CENPS: variants seen among roughly 807,000 people sequenced by gnomAD.
CENPS encodes the protein FANCM associated histone fold protein 1.
Under a neutral mutation model 17.9 loss-of-function variants are expected in CENPS, and 16 were observed. The ratio of observed to expected loss-of-function variants is 0.90; its 90% CI spans 0.61 to 1.36. The LOEUF (loss-of-function observed/expected upper bound fraction) is 1.36. Ranked by LOEUF, CENPS falls within the 40% of genes most tolerant of loss-of-function variation. CENPS has a pLI of 0.00. For missense variants in CENPS, 160 were observed against 158.6 expected (o/e 1.01, Z -0.05); for synonymous variants, 49 against 55.8 (o/e 0.88, Z 0.54).
intron 1 of CENPS, 189 bp downstream of exon 1, chr1:10,430,757 G>A (rs1311695996): frequency 1.4e-6 from 2 of 1,397,902 alleles, no homozygotes; most frequent in East Asian, 2.9e-5. Flanking sequence ...AACGCGGCTG[G>A]ACCCTGGCCT....
At chr1:10,431,643 G>A (rs1317164426) in intron 1 of CENPS, among the ~76,000 whole-genome samples, 3 of 152,078 alleles carry the variant, frequency 2.0e-5, no homozygotes, top group Non-Finnish European at 4.4e-5. Context: ...ATCACTTGAG[G>A]TCAGGAGTTC....
At position 10,440,235 on chromosome 1, in the gene CENPS, G is replaced by A. The variant is rs908939114; in HGVS notation, c.210-112G>A. On this transcript the variant is annotated intron_variant, in intron 3 of 4. Coordinates refer to ENST00000309048, the MANE Select transcript of CENPS (RefSeq NM_199294.3). Reference sequence around the variant, plus strand: ...CTTAATGCCCTTTATCTAAAAGGATGGGCTACTTAGAGATCCCTGCTAGTT... The same window carrying A: ...CTTAATGCCCTTTATCTAAAAGGATAGGCTACTTAGAGATCCCTGCTAGTT... 5.8e-6 allele frequency: 8 copies of A among 1,368,318 alleles called. No individual in the cohort carries two copies. In the African/African-American group the frequency reaches 7.3e-5, roughly 13 times the overall value. The allele number at this position is 1,368,318 out of a possible 1,614,324, so 84.8% of individuals were successfully genotyped here. A position where few individuals can be genotyped will look rare whatever the true frequency, so the allele number is the denominator to read the frequency against.
In CENPS at chr1:10,430,680, G is replaced by GCC. The variant is rs538643865; in HGVS notation, c.51+117_51+118dup. 2.3e-3 allele frequency: 3,291 copies of GCC among 1,430,172 alleles called. 59 individuals are homozygous for GCC. In the African/African-American group the frequency reaches 0.045, roughly 20 times the overall value. The allele number at this position is 1,430,172 out of a possible 1,614,324, so 88.6% of individuals were successfully genotyped here. On this transcript the variant is annotated intron_variant, in intron 1 of 4. Transcript: ENST00000309048. ...TCTCATCGGCACCCCGCCCCCGGGCGCCCCCCGCGGCTGCGCATGCGTTGG... is the reference window on the plus strand; with the variant it reads ...TCTCATCGGCACCCCGCCCCCGGGCGCCCCCCCCGCGGCTGCGCATGCGTTGG...
chr1:10,430,819 C>A, intron 1 of CENPS: 1 of 1,348,366 alleles, frequency 7.4e-7, no homozygotes, highest in Non-Finnish European at 9.5e-7. Flanking sequence ...CGCCGGGGTC[C>A]GGCGGCGAGA....
Position 10,435,706 on chromosome 1 carries a change from T to C in CENPS, c.209+1016T>C, listed in dbSNP as rs867641269. ...AAAATTTAAATACTTAAAAATAATA[T>C]ATATATATATACACACACACACACA... On this transcript the variant is annotated intron_variant, in intron 3 of 4. Coordinates refer to ENST00000309048, the MANE Select transcript of CENPS (RefSeq NM_199294.3). 7.4e-3 allele frequency among the ~76,000 whole-genome samples: 1,043 copies of C among 141,834 alleles called. 8 individuals are homozygous for C. Among genetic ancestry groups the C allele is most frequent in the South Asian group, 0.024 (105 of 4,318 alleles). The allele number at this position is 141,834 out of a possible 152,430, so 93.0% of individuals were successfully genotyped here.
chr1:10,431,553 A>G (rs1035580928), intron 1 of CENPS, among the ~76,000 whole-genome samples: 1 of 152,192 alleles, frequency 6.6e-6, no homozygotes, highest in East Asian at 1.9e-4. Context: ...TTTAGTACAC[A>G]TCTCCCAAAA....
At chr1:10,434,110 CTCT>C (rs1640045981) in intron 2 of CENPS, 145 bp downstream of exon 2, 6 of 1,462,320 alleles carry the variant, frequency 4.1e-6, no homozygotes, top group African/African-American at 1.4e-5. Context: ...TGAAACACTT[CTCT>C]TCTTGGCTGT....
At chr1:10,438,748 A>C (rs1455674092) in intron 3 of CENPS, among the ~76,000 whole-genome samples, 1 of 152,108 alleles carries the variant, frequency 6.6e-6, no homozygotes, top group African/African-American at 2.4e-5. Context: ...GGCCAAGCTG[A>C]AGTGGTGGAG....
At chr1:10,433,711 C>T (rs1640024459) in intron 1 of CENPS, 131 bp from the exon 2 acceptor site, 1 of 1,491,876 alleles carries the variant, frequency 6.7e-7, no homozygotes, top group Admixed American at 2.2e-5. Context: ...ACTTGAAAAG[C>T]CACTCAGCCA....
At position 10,442,748 on chromosome 1, in the gene CENPS, T is replaced by C. The variant is rs554352994; in HGVS notation, c.*343T>C. The C allele has an allele frequency of 1.1e-5, 2 of 189,630 alleles. No individual in the cohort carries two copies. The highest frequency in any genetic ancestry group is 2.6e-4 in the East Asian group (2 of 7,784). 11.7% of individuals were successfully genotyped at this position (189,630 alleles called of 1,614,324 possible). Reference sequence around the variant, plus strand: ...TTCAAGCAAAAATCAGTTCATCTTTTGATGTAATTTTCTAGGCTAAATGGC... The same window carrying C: ...TTCAAGCAAAAATCAGTTCATCTTTCGATGTAATTTTCTAGGCTAAATGGC... On this transcript the variant is annotated 3_prime_UTR_variant, in exon 5 of 5. Transcript: ENST00000309048.
Position 10,433,871 on chromosome 1 carries a change from G to T in CENPS, c.81G>T (p.Val27=). ...QRLKAAVHYT[V]GCLCEEVALD... ...TAAAGGCAGCAGTTCACTATACTGT[G>T]GGTTGTCTTTGCGAGGAAGTTGCAT... is the stretch of plus-strand genomic sequence containing the variant. Residue 27 remains valine, a synonymous_variant, in exon 2 of 5, where the codon GTG becomes GTT. Coordinates refer to ENST00000309048, the MANE Select transcript of CENPS (RefSeq NM_199294.3). The T allele has an allele frequency of 6.2e-7, 1 of 1,614,202 alleles. No individual in the cohort carries two copies. Among genetic ancestry groups the T allele is most frequent in the South Asian group, 1.1e-5 (1 of 91,082 alleles).
intron 3 of CENPS, 80 bp from the exon 4 acceptor site, chr1:10,440,267 C>T (rs1044056759): frequency 1.3e-5 from 20 of 1,550,300 alleles, no homozygotes; most frequent in South Asian, 4.8e-5. Flanking sequence ...AGTTTGAAGT[C>T]TGACCGTGAA....
intron 3 of CENPS, among the ~76,000 whole-genome samples, chr1:10,437,558 G>C (rs866454389): frequency 4.0e-5 from 6 of 151,698 alleles, no homozygotes; most frequent in African/African-American, 7.3e-5. Context: ...CTGGGTTCAA[G>C]TGATTCTCCA....
Position 10,433,933 on chromosome 1 carries a change from C to G in CENPS, c.143C>G (p.Ala48Gly), listed in dbSNP as rs146938181. Residue 48 changes from alanine (A) to glycine (G), a missense_variant, in exon 2 of 5, where the codon GCG (alanine) becomes GGG (glycine). Transcript: ENST00000309048. ...ATGCAGTTCAGCAAACAGACCATTG[C>G]GGCCATTTCGGAGCTGACTTTCCGA... The part of the protein sequence containing the change: ...KEMQFSKQTI[A>G]AISELTFRQC... 6 of 1,614,168 alleles carry G rather than the reference C, an allele frequency of 3.7e-6. No individual in the cohort carries two copies. Among genetic ancestry groups the G allele is most frequent in the Non-Finnish European group, 5.1e-6 (6 of 1,180,036 alleles).
chr1:10,434,466 C>G (rs544220490), intron 2 of CENPS, among the ~76,000 whole-genome samples, 191 bp from the exon 3 acceptor site: 1 of 152,238 alleles, frequency 6.6e-6, no homozygotes, highest in African/African-American at 2.4e-5. Flanking sequence ...ACAAGGAGAT[C>G]GTCATGAATA....
At chr1:10,441,794 T>G (rs1570059060) in intron 4 of CENPS, among the ~76,000 whole-genome samples, 1 of 151,640 alleles carries the variant, frequency 6.6e-6, no homozygotes, top group East Asian at 2.0e-4. Context: ...CCTGGCTAAT[T>G]TTTTGTATTT....
At chr1:10,430,866 C>T (rs1026575783) in intron 1 of CENPS, 55 of 1,309,296 alleles carry the variant, frequency 4.2e-5, no homozygotes, top group Admixed American at 1.2e-4. Context: ...CCTCGGTTTC[C>T]CCTTCTCAGA....
Position 10,430,582 on chromosome 1 carries a change from G to C in CENPS, c.51+14G>C. 1 of 1,533,746 alleles carries C rather than the reference G, an allele frequency of 6.5e-7. No individual in the cohort carries two copies. The highest frequency in any genetic ancestry group is 8.8e-7 in the Non-Finnish European group (1 of 1,140,728). On this transcript the variant is annotated intron_variant, in intron 1 of 4. Transcript: ENST00000309048. ...TCTTACCAACAGGTACAGGAAAACGGGGGTCGGGCTGGGCTGGGGCAGGAC... is the reference window on the plus strand; with the variant it reads ...TCTTACCAACAGGTACAGGAAAACGCGGGTCGGGCTGGGCTGGGGCAGGAC...
At chr1:10,441,940 T>C (rs1023412855) in intron 4 of CENPS, among the ~76,000 whole-genome samples, 1 of 152,146 alleles carries the variant, frequency 6.6e-6, no homozygotes, top group Non-Finnish European at 1.5e-5. Flanking sequence ...CCACAACTCT[T>C]AATAACACAA....
Sources: gnomAD v4.1 joint callset for allele counts (sites outside exome capture counted in the v4.1 genomes callset) on GRCh38, gnomAD v4.1.1 for gene constraint, MANE v1.5 for transcripts, NCBI Gene and HGNC (gene_info 2026-07-23, HGNC 2026-07-21) for gene names.